The following CCDC192 variants were observed in gnomAD, a reference collection of about 807,000 sequenced individuals.
The protein encoded by CCDC192 is coiled-coil domain containing 192.
chr5:127,743,288 A>G (rs548611957), intron 2 of CCDC192, among the ~76,000 whole-genome samples: 34 of 152,132 alleles, frequency 2.2e-4, no homozygotes, highest in African/African-American at 8.0e-4. Context: ...GATAAGGCAA[A>G]GGGCACCCGT....
chr5:127,733,808 C>T (rs1284344103), intron 2 of CCDC192, among the ~76,000 whole-genome samples: 2 of 150,706 alleles, frequency 1.3e-5, no homozygotes, highest in East Asian at 3.9e-4. Flanking sequence ...TGTTTGGCAC[C>T]TTTTTCATTT....
intron 6 of CCDC192, among the ~76,000 whole-genome samples, chr5:127,888,213 C>A (rs574060934): frequency 6.6e-6 from 1 of 151,818 alleles, no homozygotes; most frequent in East Asian, 1.9e-4. Flanking sequence ...GTCAGGGGTT[C>A]GAAACCAGCC....
chr5:127,836,151 G>A (rs1051979961), intron 5 of CCDC192, among the ~76,000 whole-genome samples: 12 of 152,206 alleles, frequency 7.9e-5, no homozygotes, highest in African/African-American at 2.9e-4. Context: ...TGGCCAGAAT[G>A]AAGAGGTTAC....
At chr5:127,868,492 A>G (rs1481662993) in intron 5 of CCDC192, among the ~76,000 whole-genome samples, 1 of 152,104 alleles carries the variant, frequency 6.6e-6, no homozygotes, top group Admixed American at 6.5e-5. Flanking sequence ...ATTCCATCTG[A>G]CTCTAATTCA....
At chr5:127,855,132 G>A (rs1318585670) in intron 5 of CCDC192, among the ~76,000 whole-genome samples, 2 of 152,152 alleles carry the variant, frequency 1.3e-5, no homozygotes, top group African/African-American at 4.8e-5. Flanking sequence ...TTGCTGCACT[G>A]ATTGACTCTT....
chr5:127,822,475 A>G (rs1337555810), intron 5 of CCDC192, among the ~76,000 whole-genome samples: 1 of 152,230 alleles, frequency 6.6e-6, no homozygotes, highest in African/African-American at 2.4e-5. Context: ...AAAAAAGACA[A>G]TAAGCAAATA....
At chr5:127,864,245 A>G (rs952018268) in intron 5 of CCDC192, among the ~76,000 whole-genome samples, 3 of 152,152 alleles carry the variant, frequency 2.0e-5, no homozygotes, top group African/African-American at 7.2e-5. Context: ...TTTATTAACA[A>G]CTCATATGAT....
chr5:127,901,694 C>T (rs1359080719), intron 6 of CCDC192, among the ~76,000 whole-genome samples: 1 of 152,136 alleles, frequency 6.6e-6, no homozygotes, highest in East Asian at 1.9e-4. Flanking sequence ...GCTTCTTTAC[C>T]ATTCATCTCT....
chr5:127,935,235 T>C lies in CCDC192; in HGVS notation c.536-5947T>C, dbSNP rs1387537163. ...CCAACATTTTATCTTATTTATTCTC[T>C]ATGTGCAGGTTCCCAAACATAATTA... On this transcript the variant is annotated intron_variant, in intron 6 of 6. Coordinates refer to ENST00000514853, the MANE Select transcript of CCDC192 (RefSeq NM_001317938.2). 2.0e-5 allele frequency: 3 copies of C among 152,246 alleles called. No homozygotes were observed. In the East Asian group the frequency reaches 5.8e-4, roughly 29 times the overall value. 9.4% of individuals were successfully genotyped at this position (152,246 alleles called of 1,614,324 possible). A position where few individuals can be genotyped will look rare whatever the true frequency, so the allele number is the denominator to read the frequency against.
At chr5:127,923,682 A>C (rs535226277) in intron 6 of CCDC192, among the ~76,000 whole-genome samples, 19 of 151,970 alleles carry the variant, frequency 1.3e-4, no homozygotes, top group African/African-American at 4.6e-4. Flanking sequence ...CGGCCTTTTC[A>C]TTAGTCTTAA....
At chr5:127,740,401 A>T (rs1425688435) in intron 2 of CCDC192, 2 of 152,194 alleles carry the variant, frequency 1.3e-5, no homozygotes, top group African/African-American at 2.4e-5. Context: ...CTTTTATCTG[A>T]TAGGAAAGGA....
chr5:127,868,424 C>T (rs752993181), intron 5 of CCDC192, among the ~76,000 whole-genome samples: 5 of 152,136 alleles, frequency 3.3e-5, no homozygotes, highest in African/African-American at 9.7e-5. Context: ...ATCTTCAAAA[C>T]GCTGGACAGT....
intron 3 of CCDC192, among the ~76,000 whole-genome samples, chr5:127,782,644 C>T (rs536025199): frequency 7.6e-4 from 115 of 151,824 alleles, no homozygotes; most frequent in African/African-American, 2.6e-3. Flanking sequence ...TGTATTTCTG[C>T]GGTGTCAGCT....
chr5:127,720,785 GGAAGCCTCCA>G (rs1751976045), intron 2 of CCDC192, among the ~76,000 whole-genome samples: 1 of 152,204 alleles, frequency 6.6e-6, no homozygotes, highest in Non-Finnish European at 1.5e-5. Context: ...AACACCACAT[GGAAGCCTCCA>G]AGGCTTACAA....
intron 6 of CCDC192, chr5:127,935,352 G>C (rs1418389642): frequency 6.6e-6 from 1 of 152,184 alleles, no homozygotes; most frequent in African/African-American, 2.4e-5. Context: ...AGGTAGTTGG[G>C]TCAGAAATTA....
intron 5 of CCDC192, among the ~76,000 whole-genome samples, chr5:127,819,101 C>T (rs1320993182): frequency 2.0e-5 from 3 of 152,080 alleles, no homozygotes; most frequent in Non-Finnish European, 4.4e-5. Flanking sequence ...TACATGTCTA[C>T]CCATATCCAT....
chr5:127,909,847 T>A (rs997071722), intron 6 of CCDC192, among the ~76,000 whole-genome samples: 2 of 152,192 alleles, frequency 1.3e-5, no homozygotes, highest in African/African-American at 4.8e-5. Flanking sequence ...ATATATATAT[T>A]TTAATTCTTA....
chr5:127,830,902 A>T (rs566388142), intron 5 of CCDC192, among the ~76,000 whole-genome samples: 1 of 152,246 alleles, frequency 6.6e-6, no homozygotes, highest in Non-Finnish European at 1.5e-5. Context: ...GTTAAACCAC[A>T]TCTTAAGGAC....
intron 5 of CCDC192, among the ~76,000 whole-genome samples, chr5:127,803,991 A>G (rs1379795536): frequency 6.6e-6 from 1 of 152,252 alleles, no homozygotes; most frequent in Admixed American, 6.5e-5. Context: ...TGAACCACTG[A>G]GGCCTGGAAG....
Sources: allele counts gnomAD v4.1 joint callset (sites outside exome capture counted in the v4.1 genomes callset), GRCh38; gene constraint gnomAD v4.1.1; transcripts MANE v1.5; gene names NCBI Gene and HGNC (gene_info 2026-07-23, HGNC 2026-07-21).